TTLL11: variants seen among roughly 807,000 people sequenced by gnomAD.
The protein encoded by TTLL11 is tubulin tyrosine ligase like 11, also known as tubulin polyglutamylase TTLL11.
Under a neutral mutation model 51.7 loss-of-function variants are expected in TTLL11, and 42 were observed. The ratio of observed to expected loss-of-function variants is 0.81; its 90% CI spans 0.64 to 1.05. The LOEUF (loss-of-function observed/expected upper bound fraction) is 1.05. Among genes scored for constraint, TTLL11 ranks in the 50% least tolerant of loss-of-function variants. The pLI, the probability that TTLL11 is intolerant of heterozygous loss-of-function variation, is 0.00. For missense variants in TTLL11, 799 were observed against 940.4 expected, an observed-to-expected ratio of 0.85 and a Z score of 1.97; for synonymous variants, 381 against 383.5, an observed-to-expected ratio of 0.99 and a Z score of 0.08.
chr9:121,966,838 G>T (rs1476427040), intron 6 of TTLL11, among the ~76,000 whole-genome samples: 1 of 152,108 alleles, frequency 6.6e-6, no homozygotes, highest in East Asian at 1.9e-4. Context: ...GATTCAGTGG[G>T]GCAGAACCAT....
chr9:121,823,618 T>C (rs538528410), intron 8 of TTLL11, among the ~76,000 whole-genome samples: 1 of 152,330 alleles, frequency 6.6e-6, no homozygotes, highest in African/African-American at 2.4e-5. Flanking sequence ...GATATGAAGA[T>C]AAACCCGGTT....
intron 3 of TTLL11, among the ~76,000 whole-genome samples, chr9:122,019,598 T>C (rs1052924540): frequency 1.3e-5 from 2 of 152,080 alleles, no homozygotes; most frequent in East Asian, 3.9e-4. Flanking sequence ...TACAGACACA[T>C]ACCACCACAC....
rs1838803992 is a variant in TTLL11, at chr9:121,881,774, G to A, written c.1482-11026C>T. On this transcript the variant is annotated intron_variant, in intron 6 of 8. Transcript: ENST00000321582. ...GTGTCCTGACCTTGCATTTGTATTT[G>A]GTCAGGGGAAAAAGGGAATCACTCT... Among the ~76,000 whole-genome samples, 3 of 152,190 alleles carry A rather than the reference G, an allele frequency of 2.0e-5. No individual in the cohort carries two copies. The South Asian group carries it at 6.3e-4, about 32-fold the overall frequency.
chr9:122,085,715 G>A (rs538341832), intron 1 of TTLL11, among the ~76,000 whole-genome samples: 1 of 152,314 alleles, frequency 6.6e-6, no homozygotes, highest in African/African-American at 2.4e-5. Flanking sequence ...AATACCTACA[G>A]TGTGCCAAGC....
intron 1 of TTLL11, among the ~76,000 whole-genome samples, chr9:122,061,451 C>T (rs1564380530): frequency 6.6e-6 from 1 of 152,120 alleles, no homozygotes; most frequent in Non-Finnish European, 1.5e-5. Context: ...TATTGTATCT[C>T]ATTGAGCACA....
chr9:121,827,449 T>C (rs1481792645), intron 8 of TTLL11, among the ~76,000 whole-genome samples: 1 of 152,148 alleles, frequency 6.6e-6, no homozygotes, highest in East Asian at 1.9e-4. Context: ...GGAACAGGGC[T>C]CGACCCCAGC....
chr9:122,086,611 A>G (rs1197543282), intron 1 of TTLL11, among the ~76,000 whole-genome samples: 1 of 152,240 alleles, frequency 6.6e-6, no homozygotes. Flanking sequence ...CAACCCAGCT[A>G]GTCAAATGGC....
chr9:121,875,433 T>G (rs1838529175), intron 6 of TTLL11, among the ~76,000 whole-genome samples: 1 of 152,216 alleles, frequency 6.6e-6, no homozygotes. Context: ...TTTCAAGGGT[T>G]GCTGTATTTA....
intron 6 of TTLL11, among the ~76,000 whole-genome samples, chr9:121,925,278 T>C (rs960779822): frequency 6.6e-5 from 10 of 152,320 alleles, no homozygotes; most frequent in African/African-American, 2.4e-4. Context: ...TGACCAAATG[T>C]CACTCAGATG....
chr9:122,042,817 C>T (rs1302234286), intron 1 of TTLL11, among the ~76,000 whole-genome samples: 2 of 152,140 alleles, frequency 1.3e-5, no homozygotes, highest in Non-Finnish European at 2.9e-5. Flanking sequence ...ATGCATATTA[C>T]TAAATGGAAT....
Position 121,989,591 on chromosome 9 carries a change from G to A in TTLL11, c.873C>T (p.Ile291=), listed in dbSNP as rs768754996. The part of the protein sequence containing the change: ...VQEYICKPLL[I]DKLKFDIRLY... ...GACGAATATCAAACTTGAGCTTGTC[G>A]ATAAGGAGAGGTTTGCAGATGTACT... Residue 291 remains isoleucine, a synonymous_variant, in exon 4 of 9, where the codon ATC becomes ATT. Transcript: ENST00000321582. This position sits in a 1 kb window ranked among gnomAD's most constrained non-coding sequence, Gnocchi z 4.2. 48 of 1,613,976 alleles carry A rather than the reference G, an allele frequency of 3.0e-5. No individual in the cohort carries two copies. The East Asian group carries it at 3.3e-4, about 11-fold the overall frequency.
intron 6 of TTLL11, among the ~76,000 whole-genome samples, chr9:121,931,067 A>G (rs1207590614): frequency 6.6e-6 from 1 of 152,200 alleles, no homozygotes; most frequent in Non-Finnish European, 1.5e-5. Context: ...AACTGGTAAC[A>G]TGGCAAGGTT....
intron 6 of TTLL11, among the ~76,000 whole-genome samples, chr9:121,954,916 A>T (rs1841974596): frequency 1.3e-5 from 2 of 152,330 alleles, no homozygotes; most frequent in South Asian, 4.1e-4. Context: ...ATTTTTGCAC[A>T]ATAGCAGTCT....
intron 4 of TTLL11, among the ~76,000 whole-genome samples, chr9:121,980,567 G>T (rs747090700): frequency 2.0e-5 from 3 of 152,184 alleles, no homozygotes; most frequent in Non-Finnish European, 4.4e-5. Context: ...TGGTTTTCTA[G>T]TTGACCATAC....
chr9:122,001,853 G>A (rs1032497031), intron 3 of TTLL11, among the ~76,000 whole-genome samples: 2 of 152,202 alleles, frequency 1.3e-5, no homozygotes, highest in African/African-American at 4.8e-5. Context: ...TCTGCTGCAA[G>A]CCTCTGGATT....
chr9:121,896,884 A>T (rs1839547128), intron 6 of TTLL11, among the ~76,000 whole-genome samples: 1 of 152,164 alleles, frequency 6.6e-6, no homozygotes, highest in Non-Finnish European at 1.5e-5. Context: ...CGAGGCACGA[A>T]CCAGCCGCGC....
rs762858384 is a variant in TTLL11, at chr9:121,824,608, T to TA, written c.1841-1730dup. Among the ~76,000 whole-genome samples, 141 of 152,304 alleles carry TA rather than the reference T, an allele frequency of 9.3e-4. 1 individual carries two copies. Among genetic ancestry groups the TA allele is most frequent in the East Asian group, 3.9e-4 (2 of 5,192 alleles). ...CTCCCATGTTTTTTAACTAAGTTGT[T>TA]AAAAACTTAGTTAAAAGTTTCAACT... On this transcript the variant is annotated intron_variant, in intron 8 of 8. Transcript: ENST00000321582.
intron 3 of TTLL11, among the ~76,000 whole-genome samples, chr9:122,028,814 C>G (rs186984105): frequency 2.6e-5 from 4 of 152,110 alleles, no homozygotes; most frequent in African/African-American, 7.2e-5. Context: ...TGAGATAATA[C>G]AGAATATACT....
chr9:122,003,437 C>T (rs1843541927), intron 3 of TTLL11, among the ~76,000 whole-genome samples: 1 of 150,516 alleles, frequency 6.6e-6, no homozygotes, highest in Non-Finnish European at 1.5e-5. Flanking sequence ...TCTGTGAGAC[C>T]ATTTACTTTT....
Sources: gnomAD v4.1 joint callset for allele counts (sites outside exome capture counted in the v4.1 genomes callset) on GRCh38, gnomAD v4.1.1 for gene constraint, Gnocchi (gnomAD v3.1) non-coding constraint, MANE v1.5 for transcripts, NCBI Gene and HGNC (gene_info 2026-07-23, HGNC 2026-07-21) for gene names.